The following COL18A1 variants were observed in gnomAD, a reference collection of about 807,000 sequenced individuals.
The protein encoded by COL18A1 is collagen type XVIII alpha 1 chain.
A neutral mutation model predicts 168.0 loss-of-function variants in COL18A1; 133 were observed. The observed-to-expected ratio is 0.79, with a 90% CI of 0.69 to 0.91. COL18A1 has a LOEUF of 0.91. COL18A1 is among the 40% of genes least tolerant of loss of function. The pLI is 0.00. For synonymous variants in COL18A1, 949 were observed against 809.0 expected (o/e 1.17, Z -2.94); for missense variants, 2,126 against 1,925.4 (o/e 1.10, Z -1.95).
intron 2 of COL18A1, among the ~76,000 whole-genome samples, chr21:45,415,875 G>T (rs1385307714): frequency 2.6e-5 from 4 of 152,206 alleles, no homozygotes; most frequent in African/African-American, 9.6e-5. Context: ...GACCAGGCAC[G>T]TGCCAAGCAG....
intron 2 of COL18A1, among the ~76,000 whole-genome samples, chr21:45,415,420 G>C (rs4819100): frequency 0.069 from 10,505 of 152,258 alleles, 859 homozygotes; most frequent in East Asian, 0.39. Flanking sequence ...AACAGGCCCA[G>C]GGCAGCAGCC....
chr21:45,473,426 G>GCA lies in COL18A1; in HGVS notation c.652-469_652-468insCA, dbSNP rs2035520989. On this transcript the variant is annotated intron_variant, in intron 3 of 41. Transcript: ENST00000651438. The surrounding 1 kb of genome is among the most constrained non-coding windows in gnomAD (Gnocchi z 4.0). ...TGGGTTTTGTTTTTGATGAAAAGGT[G>GCA]AAGTTCAAAGAAAGCAAAGCCATGG... Among the ~76,000 whole-genome samples the GCA allele has an allele frequency of 6.6e-6, 1 of 152,226 alleles. No individual in the cohort carries two copies. The highest frequency in any genetic ancestry group is 6.5e-5 in the Admixed American group (1 of 15,284).
Position 45,477,922 on chromosome 21 carries a change from G to A in COL18A1, c.1178G>A (p.Gly393Glu). The A allele has an allele frequency of 6.4e-7, 1 of 1,565,228 alleles. No individual in the cohort carries two copies. Among genetic ancestry groups the A allele is most frequent in the Non-Finnish European group, 8.7e-7 (1 of 1,154,812 alleles). The change falls in exon 8 of 42, where the codon GGG becomes GAG. Residue 393 changes from glycine (G) to glutamate (E), a missense_variant. Gly to Glu is a moderately conservative substitution (Grantham distance 98, BLOSUM62 -2). Coordinates refer to ENST00000651438, the MANE Select transcript of COL18A1 (RefSeq NM_001379500.1). ...QTVPGPQGPP[G>E]PPGRDGTPGR... ...GTCCCCGGACCACAAGGACCCCCAG[G>A]GCCTCCGGGGAGGGACGGCACCCCT...
At chr21:45,416,536 G>T (rs1273325112) in intron 2 of COL18A1, among the ~76,000 whole-genome samples, 2 of 152,118 alleles carry the variant, frequency 1.3e-5, no homozygotes, top group African/African-American at 4.8e-5. Flanking sequence ...CCTGGGCCTC[G>T]GTCCGTCCTC....
chr21:45,413,349 G>A (rs960668292), intron 2 of COL18A1, among the ~76,000 whole-genome samples: 1 of 152,268 alleles, frequency 6.6e-6, no homozygotes, highest in Admixed American at 6.5e-5. Context: ...CAGGGCGCCT[G>A]CACCATGACA....
rs563931262 is a variant in COL18A1, at chr21:45,410,417, G to A, written c.106+4944G>A. The stretch of plus-strand genomic sequence containing the variant: ...CTGGTGCTGGGGCCGGGCACTGGTG[G>A]GGGGTCAAGGGCTGACCCTGCGGGG... On this transcript the variant is annotated intron_variant, in intron 2 of 41. Coordinates refer to ENST00000651438, the MANE Select transcript of COL18A1 (RefSeq NM_001379500.1). Among the ~76,000 whole-genome samples, 55 of 46,936 alleles carry A rather than the reference G, an allele frequency of 1.2e-3. 2 individuals carry two copies. Among genetic ancestry groups the A allele is most frequent in the Admixed American group, 1.0e-2 (40 of 4,016 alleles). 30.8% of individuals were successfully genotyped at this position (46,936 alleles called of 152,430 possible). A position where few individuals can be genotyped will look rare whatever the true frequency, so the allele number is the denominator to read the frequency against.
intron 34 of COL18A1, among the ~76,000 whole-genome samples, chr21:45,504,923 C>T (rs1229435719): frequency 6.6e-6 from 1 of 151,458 alleles, no homozygotes; most frequent in Non-Finnish European, 1.5e-5. Flanking sequence ...GTTGTCAGGT[C>T]TCTGCTGGTC....
At chr21:45,430,075 G>A in intron 2 of COL18A1, among the ~76,000 whole-genome samples, 1 of 150,952 alleles carries the variant, frequency 6.6e-6, no homozygotes. Flanking sequence ...GTGGGGTCAT[G>A]GTTTGGGGGC....
intron 2 of COL18A1, among the ~76,000 whole-genome samples, chr21:45,432,707 C>T (rs565262034): frequency 4.3e-4 from 65 of 152,302 alleles, no homozygotes; most frequent in African/African-American, 1.4e-3. Flanking sequence ...TCCGTGGGTC[C>T]GTGGGCTGGG....
At chr21:45,409,285 C>T (rs898557567) in intron 2 of COL18A1, among the ~76,000 whole-genome samples, 3 of 152,324 alleles carry the variant, frequency 2.0e-5, no homozygotes, top group East Asian at 3.9e-4. Flanking sequence ...GATATTCCCT[C>T]GTATGGTGCT....
chr21:45,444,819 A>G (rs1346004132), intron 2 of COL18A1, among the ~76,000 whole-genome samples: 3 of 152,318 alleles, frequency 2.0e-5, no homozygotes, highest in Admixed American at 6.5e-5. Flanking sequence ...TCTAAAAATG[A>G]GTTTGAAAGC....
rs1164974998 is a variant in COL18A1 at position 45,463,974 on chromosome 21, G to GA, written c.107-4267dup. ...ATATCATGTGCAGGTGTCTAGCCTG[G>GA]ATGCCACCCAGCTATGCCAAATGCG... On this transcript the variant is annotated intron_variant, in intron 2 of 41. Coordinates refer to ENST00000651438, the MANE Select transcript of COL18A1 (RefSeq NM_001379500.1). This position sits in a 1 kb window ranked among gnomAD's most constrained non-coding sequence, Gnocchi z 4.0. Among the ~76,000 whole-genome samples the GA allele has an allele frequency of 6.6e-6, 1 of 152,354 alleles. No individual in the cohort carries two copies. Among genetic ancestry groups the GA allele is most frequent in the East Asian group, 1.9e-4 (1 of 5,186 alleles).
At chr21:45,439,965 C>A (rs886979190) in intron 2 of COL18A1, among the ~76,000 whole-genome samples, 1 of 152,234 alleles carries the variant, frequency 6.6e-6, no homozygotes, top group Middle Eastern at 3.2e-3. Flanking sequence ...TCTCGGGCTG[C>A]GCGCTGGTGC....
intron 38 of COL18A1, among the ~76,000 whole-genome samples, chr21:45,507,936 A>C (rs1000926384): frequency 6.6e-5 from 10 of 152,230 alleles, no homozygotes; most frequent in African/African-American, 1.9e-4. Context: ...CCAAAGTGCC[A>C]GACACAAGAA....
In COL18A1 at chr21:45,465,136, G is replaced by A. The variant is rs75678460; in HGVS notation, c.107-3106G>A. On this transcript the variant is annotated intron_variant, in intron 2 of 41. Transcript: ENST00000651438. ...TCAGCCCTTCCTGACTGAAGCACTC[G>A]CAGGTATTTCTGCTTCTCTGTATAA... 2.1e-3 allele frequency among the ~76,000 whole-genome samples: 325 copies of A among 152,238 alleles called. 1 individual carries two copies. The highest frequency in any genetic ancestry group is 7.4e-3 in the African/African-American group (307 of 41,518).
chr21:45,502,249 A>T (rs2036905799), intron 32 of COL18A1, among the ~76,000 whole-genome samples: 1 of 152,214 alleles, frequency 6.6e-6, no homozygotes, highest in Non-Finnish European at 1.5e-5. Flanking sequence ...CTTCTGGGTT[A>T]CAGGGCATGC....
rs970717516 is a variant in COL18A1 at position 45,457,410 on chromosome 21, G to T, written c.107-10832G>T. Among the ~76,000 whole-genome samples, 3 of 152,208 alleles carry T rather than the reference G, an allele frequency of 2.0e-5. No individual in the cohort carries two copies. The highest frequency in any genetic ancestry group is 7.2e-5 in the African/African-American group (3 of 41,454). On this transcript the variant is annotated intron_variant, in intron 2 of 41. Transcript: ENST00000651438. This position sits in a 1 kb window ranked among gnomAD's most constrained non-coding sequence, Gnocchi z 4.6. ...GGGACCAGGGAGGTCTGCAGGGCCC[G>T]TCCTGAGAGGGAGCCTTTCATGTCC...
chr21:45,488,234 A>T (rs551191427), intron 17 of COL18A1, among the ~76,000 whole-genome samples, 184 bp from the exon 18 acceptor site: 24 of 152,268 alleles, frequency 1.6e-4, no homozygotes, highest in Non-Finnish European at 2.6e-4. Flanking sequence ...AGAAATTTCA[A>T]TTAGGCAGAA....
chr21:45,415,238 C>T (rs1004434432), intron 2 of COL18A1, among the ~76,000 whole-genome samples: 2 of 152,102 alleles, frequency 1.3e-5, no homozygotes, highest in East Asian at 1.9e-4. Flanking sequence ...GGATGTGTGC[C>T]GGCTTCAGCA....
Sources: allele counts gnomAD v4.1 joint callset (sites outside exome capture counted in the v4.1 genomes callset), GRCh38; gene constraint gnomAD v4.1.1; non-coding constraint Gnocchi (gnomAD v3.1); transcripts MANE v1.5; gene names NCBI Gene and HGNC (gene_info 2026-07-23, HGNC 2026-07-21).